Variants in ADARB2 observed in about 807,000 individuals in gnomAD.
ADARB2 encodes adenosine deaminase RNA specific B2 (inactive).
In ADARB2, 25 loss-of-function variants were observed where a neutral mutation model predicts 62.2. The observed-to-expected ratio is 0.40, with a 90% CI of 0.29 to 0.56. ADARB2 has a LOEUF of 0.56. Among genes scored for constraint, ADARB2 ranks in the 20% least tolerant of loss-of-function variants. The probability of loss-of-function intolerance (pLI) is 0.43; values close to 1 mark genes in which losing one functional copy is unlikely to be tolerated. For synonymous variants in ADARB2, 572 were observed against 500.8 expected (o/e 1.14, Z -1.90); for missense variants, 1,071 against 1,077.4 (o/e 0.99, Z 0.08).
chr10:1,185,689 C>T (rs947731594), intron 8 of ADARB2, among the ~76,000 whole-genome samples: 2 of 152,162 alleles, frequency 1.3e-5, no homozygotes, highest in African/African-American at 2.4e-5. Context: ...AGCATGGGTT[C>T]GTCTAAGCTC....
rs767858869 is a variant in ADARB2 at position 1,278,903 on chromosome 10, C to G, written c.1078-7834G>C. 3.3e-5 allele frequency among the ~76,000 whole-genome samples: 5 copies of G among 152,326 alleles called. No homozygotes were observed. In the East Asian group the frequency reaches 7.7e-4, roughly 23 times the overall value. The stretch of plus-strand genomic sequence containing the variant: ...GCATTTTCGTGGTCCTGCCATAGCA[C>G]CATGAGTGATCATGGCTGTCATCAA... On this transcript the variant is annotated intron_variant, in intron 3 of 9. Transcript: ENST00000381312.
intron 1 of ADARB2, among the ~76,000 whole-genome samples, chr10:1,415,241 T>C (rs1343168395): frequency 1.3e-5 from 2 of 150,806 alleles, no homozygotes; most frequent in Non-Finnish European, 3.0e-5. Context: ...GGAAGATAGA[T>C]GGGTACAAGG....
chr10:1,558,182 G>T (rs1303098290), intron 1 of ADARB2, among the ~76,000 whole-genome samples: 1 of 152,026 alleles, frequency 6.6e-6, no homozygotes, highest in African/African-American at 2.4e-5. Context: ...CCGTCTCCCC[G>T]GAGAGACCCC....
rs957032972 is a variant in ADARB2, at chr10:1,184,241, G to T, written c.2043+620C>A. Among the ~76,000 whole-genome samples, 5 of 152,180 alleles carry T rather than the reference G, an allele frequency of 3.3e-5. No homozygotes were observed. In the East Asian group the frequency reaches 5.8e-4, roughly 18 times the overall value. ...GATTAAAAAGTGTGGAAAAATGAGA[G>T]AGGCATTTTTTATGTGTTGGCTGGT... On this transcript the variant is annotated intron_variant, in intron 9 of 9. Coordinates refer to ENST00000381312, the MANE Select transcript of ADARB2 (RefSeq NM_018702.4).
intron 1 of ADARB2, among the ~76,000 whole-genome samples, chr10:1,603,144 C>T (rs797002738): frequency 7.0e-5 from 6 of 86,032 alleles, no homozygotes; most frequent in Admixed American, 5.2e-4. Flanking sequence ...CATAAACACA[C>T]ACACACCTGT....
At chr10:1,557,216 C>T (rs574157469) in intron 1 of ADARB2, among the ~76,000 whole-genome samples, 3 of 125,278 alleles carry the variant, frequency 2.4e-5, no homozygotes, top group African/African-American at 5.8e-5. Flanking sequence ...TCCATGGTGC[C>T]CCCATCTTTG....
At chr10:1,295,031 C>G (rs1831511553) in intron 3 of ADARB2, among the ~76,000 whole-genome samples, 1 of 152,188 alleles carries the variant, frequency 6.6e-6, no homozygotes, top group Non-Finnish European at 1.5e-5. Context: ...GCGGGAACGG[C>G]CCACATCCTT....
intron 1 of ADARB2, among the ~76,000 whole-genome samples, chr10:1,652,304 G>A (rs916602178): frequency 4.6e-5 from 7 of 152,188 alleles, no homozygotes; most frequent in South Asian, 2.1e-4. Flanking sequence ...ACTGTGCACC[G>A]GCCCTGCTAG....
rs1836668402 is a variant in ADARB2, at chr10:1,181,061, A to G, written c.*2132T>C. On this transcript the variant is annotated 3_prime_UTR_variant, in exon 10 of 10. Transcript: ENST00000381312. The stretch of plus-strand genomic sequence containing the variant: ...CCCTGTGACAGTGAAATCTGCTTAC[A>G]ACACAGGCCCCCTCGCTGCAGAAAC... 1 of 152,224 alleles carries G rather than the reference A, an allele frequency of 6.6e-6. No individual in the cohort carries two copies. The highest frequency in any genetic ancestry group is 6.5e-5 in the Admixed American group (1 of 15,280). The allele number at this position is 152,224 out of a possible 1,614,324, so 9.4% of individuals were successfully genotyped here.
intron 1 of ADARB2, among the ~76,000 whole-genome samples, chr10:1,674,125 C>T (rs1225198383): frequency 6.6e-6 from 1 of 152,258 alleles, no homozygotes; most frequent in Non-Finnish European, 1.5e-5. Context: ...ACGGCCCCGT[C>T]GGCCGGGGGC....
chr10:1,504,800 C>T (rs945494604), intron 1 of ADARB2, among the ~76,000 whole-genome samples: 2 of 152,184 alleles, frequency 1.3e-5, no homozygotes, highest in East Asian at 3.9e-4. Flanking sequence ...TATTAATATA[C>T]AAGGGGGTAG....
rs189231636 is a variant in ADARB2, at chr10:1,278,873, G to A, written c.1078-7804C>T. On this transcript the variant is annotated intron_variant, in intron 3 of 9. Transcript: ENST00000381312. ...GTGGCTGGGAGCATGGCTTGGATGC[G>A]TTTTGCATTTTCGTGGTCCTGCCAT... is the stretch of plus-strand genomic sequence containing the variant. Among the ~76,000 whole-genome samples, 45 of 152,220 alleles carry A rather than the reference G, an allele frequency of 3.0e-4. No individual in the cohort carries two copies. In the South Asian group the frequency reaches 6.4e-3, roughly 22 times the overall value.
intron 1 of ADARB2, among the ~76,000 whole-genome samples, chr10:1,699,270 G>A (rs10794789): frequency 0.92 from 39,983 of 43,456 alleles, 18,564 homozygotes; most frequent in East Asian, 0.97. Context: ...CCGGGAGACC[G>A]GGCACTCGCC....
At chr10:1,723,169 C>G (rs558901076) in intron 1 of ADARB2, among the ~76,000 whole-genome samples, 1 of 152,218 alleles carries the variant, frequency 6.6e-6, no homozygotes, top group East Asian at 1.9e-4. Context: ...GTAGCTTTTA[C>G]GGCCACTGCT....
intron 1 of ADARB2, among the ~76,000 whole-genome samples, chr10:1,587,798 C>T (rs867808504): frequency 1.4e-4 from 22 of 152,150 alleles, no homozygotes; most frequent in South Asian, 4.2e-4. Flanking sequence ...ATCATGGGGG[C>T]GGTTCCCCCT....
chr10:1,395,894 G>C (rs941549560), intron 1 of ADARB2, among the ~76,000 whole-genome samples: 6 of 152,192 alleles, frequency 3.9e-5, no homozygotes, highest in Non-Finnish European at 8.8e-5. Flanking sequence ...CCAGCACTTT[G>C]CTTTATTTTC....
chr10:1,507,566 T>C (rs1328173522), intron 1 of ADARB2, among the ~76,000 whole-genome samples: 1 of 152,154 alleles, frequency 6.6e-6, no homozygotes, highest in Non-Finnish European at 1.5e-5. Context: ...TCTGGAGATG[T>C]TTACCCTCGA....
intron 3 of ADARB2, among the ~76,000 whole-genome samples, chr10:1,346,893 C>T (rs1832085881): frequency 6.6e-6 from 1 of 152,270 alleles, no homozygotes; most frequent in South Asian, 2.1e-4. Flanking sequence ...CAAAATGCTG[C>T]AGATTGCATG....
chr10:1,250,603 G>GA (rs1489234404), intron 4 of ADARB2, among the ~76,000 whole-genome samples: 1 of 151,876 alleles, frequency 6.6e-6, no homozygotes, highest in Non-Finnish European at 1.5e-5. Flanking sequence ...TTATGATGCA[G>GA]AAAAAAAGCT....
Sources: allele counts gnomAD v4.1 joint callset (sites outside exome capture counted in the v4.1 genomes callset), GRCh38; gene constraint gnomAD v4.1.1; transcripts MANE v1.5; gene names NCBI Gene and HGNC (gene_info 2026-07-23, HGNC 2026-07-21).